Variants in CCDC146 observed in about 807,000 individuals in gnomAD.
The protein encoded by CCDC146 is coiled-coil domain containing 146, also known as coiled-coil domain-containing protein 146.
CCDC146 carries 92 observed loss-of-function variants against 119.3 expected under a neutral mutation model. The ratio of observed to expected loss-of-function variants is 0.77; its 90% CI spans 0.65 to 0.92. The LOEUF (loss-of-function observed/expected upper bound fraction) is 0.92, where lower values mean the gene tolerates loss of function less well. Among genes scored for constraint, CCDC146 ranks in the 40% least tolerant of loss-of-function variants. CCDC146 has a pLI of 0.00. For missense variants in CCDC146, 1,000 were observed against 1,103.0 expected (o/e 0.91, Z 1.32); for synonymous variants, 372 against 371.8 (o/e 1.00, Z -0.01).
chr7:77,290,105 G>A (rs1425241718), intron 17 of CCDC146, among the ~76,000 whole-genome samples: 1 of 151,972 alleles, frequency 6.6e-6, no homozygotes, highest in African/African-American at 2.4e-5. Context: ...CATGGATGAA[G>A]CTGGAAACCA....
At position 77,254,489 on chromosome 7, in the gene CCDC146, A is replaced by ATTT. The variant is rs112665383; in HGVS notation, c.450-7_450-5dup. 7 of 1,081,322 alleles carry ATTT rather than the reference A, an allele frequency of 6.5e-6. No homozygotes were observed. The highest frequency in any genetic ancestry group is 4.5e-4 in the Middle Eastern group (2 of 4,482). The allele number at this position is 1,081,322 out of a possible 1,614,324, so 67.0% of individuals were successfully genotyped here. A position where few individuals can be genotyped will look rare whatever the true frequency, so the allele number is the denominator to read the frequency against. The stretch of plus-strand genomic sequence containing the variant: ...ATTTCTTTGTACTTTTTCAAACTTG[A>ATTT]TTTTTTTTTTTTGCAGCTTAAAGGA... On this transcript the variant is annotated splice_polypyrimidine_tract_variant and intron_variant, in intron 4 of 18. Coordinates refer to ENST00000285871, the MANE Select transcript of CCDC146 (RefSeq NM_020879.3).
intron 17 of CCDC146, among the ~76,000 whole-genome samples, chr7:77,291,671 G>A (rs926257096): frequency 1.3e-5 from 2 of 152,158 alleles, no homozygotes; most frequent in African/African-American, 2.4e-5. Context: ...TCACACCACT[G>A]TGCTCCAGCC....
chr7:77,258,211 T>G (rs915313866), intron 6 of CCDC146: 2 of 152,232 alleles, frequency 1.3e-5, no homozygotes, highest in East Asian at 3.9e-4. Context: ...AGTTAGTCAT[T>G]GGTCTCAGCT....
intron 17 of CCDC146, among the ~76,000 whole-genome samples, chr7:77,290,404 A>G (rs1296845542): frequency 6.6e-6 from 1 of 151,832 alleles, no homozygotes; most frequent in Admixed American, 6.6e-5. Flanking sequence ...AAAAAAGAAG[A>G]AAAAAAAAGT....
rs550304805 is a variant in CCDC146 at position 77,172,350 on chromosome 7, T to C, written c.156+4526T>C. Among the ~76,000 whole-genome samples the C allele has an allele frequency of 2.0e-5, 3 of 152,366 alleles. No homozygotes were observed. The South Asian group carries it at 6.2e-4, about 32-fold the overall frequency. On this transcript the variant is annotated intron_variant, in intron 2 of 18. Coordinates refer to ENST00000285871, the MANE Select transcript of CCDC146 (RefSeq NM_020879.3). ...ACCTACTTTGTCTTCCTTCAGTTGT[T>C]TAAACAGAAACTGTATCTGCAAAAA...
At chr7:77,135,220 G>T (rs1790844750) in intron 1 of CCDC146, among the ~76,000 whole-genome samples, 1 of 152,138 alleles carries the variant, frequency 6.6e-6, no homozygotes, top group Admixed American at 6.6e-5. Context: ...AGGTGCAGTG[G>T]CTCACACCTT....
intron 1 of CCDC146, among the ~76,000 whole-genome samples, chr7:77,129,605 CAT>C (rs1382437482): frequency 1.3e-5 from 2 of 152,020 alleles, no homozygotes; most frequent in African/African-American, 4.8e-5. Context: ...GATCTTGGAA[CAT>C]ATCCCCCATG....
intron 1 of CCDC146, among the ~76,000 whole-genome samples, chr7:77,125,921 A>G (rs1790684967): frequency 6.6e-6 from 1 of 152,162 alleles, no homozygotes; most frequent in African/African-American, 2.4e-5. Flanking sequence ...GTGAAACTGC[A>G]AATAGACAGT....
At chr7:77,227,723 C>A (rs577724518) in intron 2 of CCDC146, among the ~76,000 whole-genome samples, 1 of 152,354 alleles carries the variant, frequency 6.6e-6, no homozygotes, top group Admixed American at 6.5e-5. Context: ...TCTCTAAATT[C>A]TAATTCTCTC....
chr7:77,181,245 A>T (rs1046275402), intron 2 of CCDC146, among the ~76,000 whole-genome samples: 2 of 152,142 alleles, frequency 1.3e-5, no homozygotes, highest in African/African-American at 4.8e-5. Context: ...AGGTAGGGGT[A>T]AGCAGGCTTA....
intron 1 of CCDC146, among the ~76,000 whole-genome samples, chr7:77,160,032 TC>T (rs2117465033): frequency 6.6e-6 from 1 of 152,358 alleles, no homozygotes; most frequent in South Asian, 2.1e-4. Context: ...GGGAATCCTT[TC>T]CCCATTGCTT....
At chr7:77,277,077 C>T (rs888442200) in intron 11 of CCDC146, among the ~76,000 whole-genome samples, 3 of 148,684 alleles carry the variant, frequency 2.0e-5, no homozygotes, top group African/African-American at 5.0e-5. Flanking sequence ...GTCTCAAAAA[C>T]GAAAAATAAA....
intron 2 of CCDC146, among the ~76,000 whole-genome samples, chr7:77,220,511 G>A (rs545696053): frequency 2.5e-3 from 388 of 152,296 alleles, no homozygotes; most frequent in African/African-American, 9.0e-3. Flanking sequence ...GACAGGCATA[G>A]GAAATTATAA....
At chr7:77,145,854 G>C (rs1212290323) in intron 1 of CCDC146, among the ~76,000 whole-genome samples, 1 of 151,950 alleles carries the variant, frequency 6.6e-6, no homozygotes, top group Non-Finnish European at 1.5e-5. Context: ...GGTCAATTTT[G>C]GAATAAGTGT....
At chr7:77,235,387 T>A (rs553586059) in intron 2 of CCDC146, among the ~76,000 whole-genome samples, 1 of 152,132 alleles carries the variant, frequency 6.6e-6, no homozygotes, top group East Asian at 1.9e-4. Flanking sequence ...AGCTGAGACA[T>A]GAAGAAAGAC....
chr7:77,217,990 C>T (rs1202970511), intron 2 of CCDC146, among the ~76,000 whole-genome samples: 1 of 152,112 alleles, frequency 6.6e-6, no homozygotes, highest in African/African-American at 2.4e-5. Context: ...AGGCCTAGGA[C>T]ATTACTGTAC....
intron 2 of CCDC146, among the ~76,000 whole-genome samples, chr7:77,229,543 C>T (rs1386936990): frequency 5.3e-5 from 8 of 152,152 alleles, no homozygotes; most frequent in Non-Finnish European, 1.0e-4. Flanking sequence ...TATGGCTATC[C>T]GGTTACTCCA....
At chr7:77,144,585 C>T (rs1584021993) in intron 1 of CCDC146, among the ~76,000 whole-genome samples, 1 of 151,738 alleles carries the variant, frequency 6.6e-6, no homozygotes, top group African/African-American at 2.4e-5. Flanking sequence ...TTTTGAGATA[C>T]ATCCCATCAA....
intron 4 of CCDC146, among the ~76,000 whole-genome samples, chr7:77,251,779 C>T (rs1042834598): frequency 1.2e-4 from 19 of 152,194 alleles, no homozygotes; most frequent in African/African-American, 4.6e-4. Context: ...TGCTCTTTCT[C>T]TCACACAGAT....
Sources: gnomAD v4.1 joint callset for allele counts (sites outside exome capture counted in the v4.1 genomes callset) on GRCh38, gnomAD v4.1.1 for gene constraint, MANE v1.5 for transcripts, NCBI Gene and HGNC (gene_info 2026-07-23, HGNC 2026-07-21) for gene names.